PIWIL2: variants seen among roughly 807,000 people sequenced by gnomAD.
PIWIL2 encodes piwi-like protein 2.
Under a neutral mutation model 116.5 loss-of-function variants are expected in PIWIL2, and 81 were observed. The observed-to-expected ratio is 0.70, with a 90% CI of 0.58 to 0.84. The LOEUF is 0.84. PIWIL2 is among the 40% of genes least tolerant of loss of function. PIWIL2 has a pLI of 0.00. For synonymous variants in PIWIL2, 489 were observed against 429.5 expected (o/e 1.14, Z -1.71); for missense variants, 1,272 against 1,212.3 (o/e 1.05, Z -0.73).
chr8:22,286,619 T>A (rs995693831), intron 6 of PIWIL2, among the ~76,000 whole-genome samples: 3 of 151,778 alleles, frequency 2.0e-5, no homozygotes, highest in African/African-American at 7.3e-5. Context: ...CAACAAAAAA[T>A]TTTATTTATT....
intron 20 of PIWIL2, among the ~76,000 whole-genome samples, chr8:22,329,952 G>T (rs946335082): frequency 1.3e-5 from 2 of 152,106 alleles, no homozygotes; most frequent in African/African-American, 4.8e-5. Flanking sequence ...GTGTCCCTTA[G>T]GCTTTGGGGA....
intron 20 of PIWIL2, among the ~76,000 whole-genome samples, chr8:22,337,032 G>A (rs1831995951): frequency 6.6e-6 from 1 of 152,054 alleles, no homozygotes; most frequent in African/African-American, 2.4e-5. Context: ...AGAAAATACT[G>A]AAATTTCAGA....
At position 22,305,948 on chromosome 8, in the gene PIWIL2, C is replaced by A. The variant is rs762920241; in HGVS notation, c.1477C>A (p.Leu493Met). The A allele has an allele frequency of 2.5e-6, 4 of 1,613,798 alleles. No individual in the cohort carries two copies. The South Asian group carries it at 4.4e-5, about 18-fold the overall frequency. The change falls in exon 13 of 23, where the codon CTG becomes ATG. Residue 493 changes from leucine (L) to methionine (M), a missense_variant. Coordinates refer to ENST00000356766, the MANE Select transcript of PIWIL2 (RefSeq NM_018068.5). ...HGMLLKGEIL[L>M]LPELSFMTGI... is the part of the protein sequence containing the mutation. ...AAAGCTGCTAAAAGGGGAAATCCTG[C>A]TGCTGCCTGAGCTTTCTTTTATGAC...
At chr8:22,349,729 T>C (rs763272210) in intron 20 of PIWIL2, among the ~76,000 whole-genome samples, 11 of 152,226 alleles carry the variant, frequency 7.2e-5, no homozygotes, top group Middle Eastern at 3.4e-3. Flanking sequence ...TTGAGCAGAA[T>C]AGAAATTGGC....
intron 20 of PIWIL2, among the ~76,000 whole-genome samples, chr8:22,346,789 G>A (rs1380299668): frequency 1.3e-5 from 2 of 152,194 alleles, no homozygotes; most frequent in Non-Finnish European, 2.9e-5. Context: ...GTGCATGCCT[G>A]TAGGCGCAGC....
At chr8:22,279,687 T>A in intron 2 of PIWIL2, 103 bp downstream of exon 2, 3 of 1,088,962 alleles carry the variant, frequency 2.8e-6, no homozygotes, top group South Asian at 2.8e-5. Flanking sequence ...GCACGGTGGC[T>A]CACGCCTGTA....
chr8:22,292,236 T>C (rs1212242686), intron 10 of PIWIL2, among the ~76,000 whole-genome samples: 1 of 152,150 alleles, frequency 6.6e-6, no homozygotes, highest in Non-Finnish European at 1.5e-5. Context: ...GTGAGTGAAA[T>C]GCAGGACTTT....
intron 16 of PIWIL2, 111 bp downstream of exon 16, chr8:22,311,411 G>T (rs1272735974): frequency 5.9e-6 from 5 of 841,884 alleles, no homozygotes; most frequent in Non-Finnish European, 9.2e-6. Flanking sequence ...CCTAGAACTT[G>T]TCTTACCCAT....
At position 22,288,140 on chromosome 8, in the gene PIWIL2, TA is replaced by T. The variant is rs879681600; in HGVS notation, c.862-394del. 6.9e-4 allele frequency among the ~76,000 whole-genome samples: 104 copies of T among 151,430 alleles called. 1 individual carries two copies. The highest frequency in any genetic ancestry group is 1.2e-3 in the Admixed American group (18 of 15,198). Reference sequence around the variant, plus strand: ...GGTGAAACCCTGTCTCTACTAAAAATAAAAAAAATTAGCTGGGCATGGTGGC... The same window carrying T: ...GGTGAAACCCTGTCTCTACTAAAAATAAAAAAATTAGCTGGGCATGGTGGC... On this transcript the variant is annotated intron_variant, in intron 7 of 22. Transcript: ENST00000356766.
intron 20 of PIWIL2, among the ~76,000 whole-genome samples, chr8:22,321,229 T>G (rs4385468): frequency 0.67 from 101,730 of 151,620 alleles, 35,642 homozygotes; most frequent in East Asian, 0.87. Flanking sequence ...CTCTGCCTCA[T>G]CCTCCAGAGT....
chr8:22,351,060 A>G (rs1015226215), intron 20 of PIWIL2, among the ~76,000 whole-genome samples: 2 of 151,928 alleles, frequency 1.3e-5, no homozygotes, highest in Non-Finnish European at 2.9e-5. Flanking sequence ...CTGAGGACCA[A>G]GAATTGCATG....
intron 20 of PIWIL2, among the ~76,000 whole-genome samples, chr8:22,338,217 CAGT>C (rs1832025490): frequency 6.6e-6 from 1 of 152,150 alleles, no homozygotes; most frequent in African/African-American, 2.4e-5. Flanking sequence ...ACTATCTTTG[CAGT>C]TTGTGTGATT....
At chr8:22,320,294 C>T (rs1365993785) in intron 20 of PIWIL2, among the ~76,000 whole-genome samples, 2 of 127,202 alleles carry the variant, frequency 1.6e-5, no homozygotes, top group Non-Finnish European at 3.2e-5. Context: ...GACGGAGTCT[C>T]ACTCTGTAAC....
At chr8:22,338,873 C>G (rs1355255659) in intron 20 of PIWIL2, among the ~76,000 whole-genome samples, 1 of 151,918 alleles carries the variant, frequency 6.6e-6, no homozygotes, top group Admixed American at 6.6e-5. Context: ...TATGGAAATG[C>G]AAAAACATAG....
intron 20 of PIWIL2, among the ~76,000 whole-genome samples, chr8:22,338,599 G>A (rs1191142079): frequency 6.6e-6 from 1 of 152,086 alleles, no homozygotes; most frequent in Non-Finnish European, 1.5e-5. Context: ...GGCTGAGACA[G>A]GAGAATCACT....
chr8:22,283,917 T>G lies in PIWIL2; in HGVS notation c.633-245T>G, dbSNP rs535774107. Reference sequence around the variant, plus strand: ...GTGTTCCTAGTTAATGGGACTAGTTTATTTGGTAATGTTACTAGGAAAGGT... The same window carrying G: ...GTGTTCCTAGTTAATGGGACTAGTTGATTTGGTAATGTTACTAGGAAAGGT... On this transcript the variant is annotated intron_variant, in intron 5 of 22. Coordinates refer to ENST00000356766, the MANE Select transcript of PIWIL2 (RefSeq NM_018068.5). 2.0e-5 allele frequency among the ~76,000 whole-genome samples: 3 copies of G among 152,372 alleles called. No homozygotes were observed. In the East Asian group the frequency reaches 5.8e-4, roughly 29 times the overall value.
At chr8:22,329,465 T>G (rs781082365) in intron 20 of PIWIL2, among the ~76,000 whole-genome samples, 2 of 151,592 alleles carry the variant, frequency 1.3e-5, no homozygotes, top group Non-Finnish European at 2.9e-5. Flanking sequence ...AAAGCAGGAG[T>G]AAATGAGAGA....
At chr8:22,349,672 A>C (rs543773182) in intron 20 of PIWIL2, among the ~76,000 whole-genome samples, 1 of 152,100 alleles carries the variant, frequency 6.6e-6, no homozygotes, top group East Asian at 1.9e-4. Flanking sequence ...GCCTTTTAAC[A>C]CAGCGAGTTA....
rs994198860 is a variant in PIWIL2, at chr8:22,354,104, G to A, written c.2658-167G>A. Among the ~76,000 whole-genome samples, 15 of 152,004 alleles carry A rather than the reference G, an allele frequency of 9.9e-5. 1 individual carries two copies. Among genetic ancestry groups the A allele is most frequent in the Admixed American group, 7.2e-4 (11 of 15,246 alleles). On this transcript the variant is annotated intron_variant, in intron 21 of 22. Coordinates refer to ENST00000356766, the MANE Select transcript of PIWIL2 (RefSeq NM_018068.5). ...TACCACCATTCTTCAGTAGCCTCTT[G>A]AGTCAGGAGACCTGGGTTCTAATCC...
Sources: gnomAD v4.1 joint callset for allele counts (sites outside exome capture counted in the v4.1 genomes callset) on GRCh38, gnomAD v4.1.1 for gene constraint, MANE v1.5 for transcripts, NCBI Gene and HGNC (gene_info 2026-07-23, HGNC 2026-07-21) for gene names.